The following FGD4 variants were observed in gnomAD, a reference collection of about 807,000 sequenced individuals.
FGD4 encodes FYVE, RhoGEF and PH domain containing 4.
In FGD4, 42 loss-of-function variants were observed where a neutral mutation model predicts 102.0. The observed-to-expected ratio is 0.41, with a 90% CI of 0.32 to 0.53. The LOEUF (loss-of-function observed/expected upper bound fraction) is 0.53. Ranked by LOEUF, FGD4 falls within the 20% of genes least tolerant of loss-of-function variation. The pLI, the probability that FGD4 is intolerant of heterozygous loss-of-function variation, is 0.21. For missense variants in FGD4, 902 were observed against 1,078.2 expected (o/e 0.84, Z 2.29); for synonymous variants, 380 against 375.7 (o/e 1.01, Z -0.13).
chr12:32,643,648 T>C lies in FGD4; in HGVS notation c.*3115T>C, dbSNP rs1393402478. Reference sequence around the variant, plus strand: ...CTTTTAAATGTACCCTTTCCCCATATATATATACGCACACGTTTGGATTTT... The same window carrying C: ...CTTTTAAATGTACCCTTTCCCCATACATATATACGCACACGTTTGGATTTT... On this transcript the variant is annotated 3_prime_UTR_variant, in exon 17 of 17. Coordinates refer to ENST00000534526, the MANE Select transcript of FGD4 (RefSeq NM_001370298.3). The C allele has an allele frequency of 6.7e-6, 1 of 149,744 alleles. No homozygotes were observed. The highest frequency in any genetic ancestry group is 2.5e-5 in the African/African-American group (1 of 40,552). 9.3% of individuals were successfully genotyped at this position (149,744 alleles called of 1,614,324 possible). A position where few individuals can be genotyped will look rare whatever the true frequency, so the allele number is the denominator to read the frequency against.
At chr12:32,499,337 G>A (rs533165036) in intron 1 of FGD4, among the ~76,000 whole-genome samples, 91 of 152,292 alleles carry the variant, frequency 6.0e-4, no homozygotes, top group Non-Finnish European at 9.7e-4. Context: ...CGGGCAGTGT[G>A]GTTTGAGGGG....
chr12:32,426,952 TC>T (rs1941858024), intron 1 of FGD4, among the ~76,000 whole-genome samples: 1 of 69,608 alleles, frequency 1.4e-5, no homozygotes, highest in African/African-American at 8.9e-5. Context: ...GATTCTTCTT[TC>T]TTTTCTTCTT....
chr12:32,469,162 A>G (rs1340292555), intron 1 of FGD4, among the ~76,000 whole-genome samples: 1 of 152,130 alleles, frequency 6.6e-6, no homozygotes, highest in African/African-American at 2.4e-5. Flanking sequence ...TAAAATACAT[A>G]CGCAAACAGT....
chr12:32,636,640 C>T (rs1950833743), intron 15 of FGD4, among the ~76,000 whole-genome samples: 1 of 151,886 alleles, frequency 6.6e-6, no homozygotes, highest in African/African-American at 2.4e-5. Context: ...GTTATCATCA[C>T]AAATTCAAAT....
At chr12:32,597,403 C>T (rs956722441) in intron 4 of FGD4, among the ~76,000 whole-genome samples, 1 of 152,126 alleles carries the variant, frequency 6.6e-6, no homozygotes, top group Non-Finnish European at 1.5e-5. Flanking sequence ...TTCAAGATTC[C>T]AAAGCCAGAT....
At chr12:32,530,947 T>TG (rs1167194114) in intron 1 of FGD4, among the ~76,000 whole-genome samples, 16 of 122,622 alleles carry the variant, frequency 1.3e-4, no homozygotes, top group African/African-American at 4.8e-4. Flanking sequence ...TTTGGTTTTT[T>TG]TTTTTTTTTT....
intron 1 of FGD4, among the ~76,000 whole-genome samples, chr12:32,430,924 G>C (rs537521431): frequency 6.6e-6 from 1 of 152,180 alleles, no homozygotes; most frequent in Non-Finnish European, 1.5e-5. Context: ...GGAGGAGAAG[G>C]GTTCTGGAGG....
intron 1 of FGD4, chr12:32,511,975 TA>T (rs1481023571): frequency 4.6e-5 from 7 of 152,126 alleles, no homozygotes; most frequent in Non-Finnish European, 8.8e-5. Flanking sequence ...TCCCCCTATT[TA>T]AAAAAATGGA....
intron 1 of FGD4, among the ~76,000 whole-genome samples, chr12:32,473,019 ACT>A (rs1171046987): frequency 2.6e-5 from 4 of 151,308 alleles, no homozygotes; most frequent in South Asian, 4.2e-4. Context: ...ACCAATCGAC[ACT>A]CTGTATCTAG....
At chr12:32,585,260 A>G (rs978488773) in intron 4 of FGD4, among the ~76,000 whole-genome samples, 74 of 144,416 alleles carry the variant, frequency 5.1e-4, no homozygotes, top group African/African-American at 1.8e-3. Flanking sequence ...ATATATATGT[A>G]TATCTTAAAG....
At chr12:32,581,811 C>A in intron 3 of FGD4, 149 bp from the exon 4 acceptor site, 1 of 826,412 alleles carries the variant, frequency 1.2e-6, no homozygotes, top group Non-Finnish European at 1.9e-6. Context: ...TGGGTCTACA[C>A]TAAGAATATT....
intron 1 of FGD4, among the ~76,000 whole-genome samples, chr12:32,526,842 C>T (rs1016313961): frequency 6.6e-6 from 1 of 152,208 alleles, no homozygotes; most frequent in African/African-American, 2.4e-5. Flanking sequence ...GTAACACTCA[C>T]CGCAAGGGTC....
chr12:32,465,792 T>A (rs1943238668), intron 1 of FGD4, among the ~76,000 whole-genome samples: 1 of 152,194 alleles, frequency 6.6e-6, no homozygotes, highest in South Asian at 2.1e-4. Flanking sequence ...ATTTGTTTGT[T>A]TTTTGAGACA....
intron 1 of FGD4, among the ~76,000 whole-genome samples, chr12:32,520,396 A>G (rs932150341): frequency 6.8e-6 from 1 of 146,374 alleles, no homozygotes; most frequent in African/African-American, 2.5e-5. Flanking sequence ...TTTTACCTCT[A>G]CCTTGCCCTA....
At chr12:32,509,860 C>T (rs993262115) in intron 1 of FGD4, among the ~76,000 whole-genome samples, 9 of 152,158 alleles carry the variant, frequency 5.9e-5, no homozygotes, top group Non-Finnish European at 5.9e-5. Flanking sequence ...GCACTGGCCT[C>T]TTAGGATCCC....
At chr12:32,459,277 T>C (rs191848155) in intron 1 of FGD4, among the ~76,000 whole-genome samples, 34 of 139,954 alleles carry the variant, frequency 2.4e-4, no homozygotes, top group African/African-American at 7.3e-4. Context: ...CACTGCAACC[T>C]CCACCTCCCA....
intron 1 of FGD4, among the ~76,000 whole-genome samples, chr12:32,471,410 T>C (rs1943411860): frequency 1.3e-5 from 2 of 152,218 alleles, no homozygotes; most frequent in Non-Finnish European, 2.9e-5. Context: ...TAATATGTAC[T>C]GTAGAAAAGC....
intron 13 of FGD4, 151 bp from the exon 14 acceptor site, chr12:32,625,503 C>A (rs945627192): frequency 1.3e-5 from 12 of 908,392 alleles, no homozygotes; most frequent in Non-Finnish European, 2.0e-5. Flanking sequence ...CTACTGACTT[C>A]AGGTGATCCG....
At chr12:32,439,336 A>G (rs1942348765) in intron 1 of FGD4, among the ~76,000 whole-genome samples, 1 of 152,188 alleles carries the variant, frequency 6.6e-6, no homozygotes, top group African/African-American at 2.4e-5. Context: ...TTGTGTATCT[A>G]TGCCACATTT....
Sources: allele counts gnomAD v4.1 joint callset (sites outside exome capture counted in the v4.1 genomes callset), GRCh38; gene constraint gnomAD v4.1.1; transcripts MANE v1.5; gene names NCBI Gene and HGNC (gene_info 2026-07-23, HGNC 2026-07-21).